Variants in CSMD1 observed in about 807,000 individuals in gnomAD.
The protein encoded by CSMD1 is CUB and Sushi multiple domains 1.
Under a neutral mutation model 417.5 loss-of-function variants are expected in CSMD1, and 213 were observed. That is an observed-to-expected ratio of 0.51 (90% confidence interval 0.46 to 0.57). CSMD1 has a LOEUF of 0.57. Ranked by LOEUF, CSMD1 falls within the 20% of genes least tolerant of loss-of-function variation. The probability of loss-of-function intolerance (pLI) is 0.00; values close to 1 mark genes in which losing one functional copy is unlikely to be tolerated. For synonymous variants in CSMD1, 2,862 were observed against 1,736.8 expected (o/e 1.65, Z -16.11); for missense variants, 6,923 against 4,529.7 (o/e 1.53, Z -15.17).
chr8:4,567,603 A>C (rs1798674183), intron 2 of CSMD1, among the ~76,000 whole-genome samples: 1 of 152,168 alleles, frequency 6.6e-6, no homozygotes, highest in Admixed American at 6.6e-5. Context: ...CCACAGAAAG[A>C]GTGCTCTGTG....
At chr8:4,014,043 G>C (rs961807327) in intron 4 of CSMD1, among the ~76,000 whole-genome samples, 6 of 152,126 alleles carry the variant, frequency 3.9e-5, no homozygotes, top group Admixed American at 3.3e-4. Context: ...ATATTGATGT[G>C]TATTGGAAAT....
chr8:3,388,450 T>TA (rs1032420324), intron 17 of CSMD1, among the ~76,000 whole-genome samples: 13 of 152,244 alleles, frequency 8.5e-5, no homozygotes, highest in South Asian at 2.1e-4. Context: ...TGCGAAGAAA[T>TA]AAAAAATCCT....
At chr8:3,670,548 C>A (rs62474692) in intron 7 of CSMD1, among the ~76,000 whole-genome samples, 1 of 111,576 alleles carries the variant, frequency 9.0e-6, no homozygotes, top group African/African-American at 3.1e-5. Context: ...ATACATATAT[C>A]CCATATATAT....
chr8:3,694,507 G>C (rs1352228692), intron 7 of CSMD1, among the ~76,000 whole-genome samples: 1 of 152,014 alleles, frequency 6.6e-6, no homozygotes, highest in East Asian at 2.0e-4. Flanking sequence ...TGTGCATAGA[G>C]ACAGTCTTTA....
chr8:3,177,818 G>T (rs1415279460), intron 37 of CSMD1, among the ~76,000 whole-genome samples: 1 of 152,074 alleles, frequency 6.6e-6, no homozygotes, highest in Non-Finnish European at 1.5e-5. Context: ...TTGAGGTCAG[G>T]CTTTGTAATT....
chr8:4,021,147 G>A (rs766924979), intron 4 of CSMD1, among the ~76,000 whole-genome samples: 39 of 152,210 alleles, frequency 2.6e-4, no homozygotes, highest in Admixed American at 1.1e-3. Context: ...AGTGTATGCA[G>A]CTCATGAGCA....
chr8:4,744,334 C>T (rs1010630655), intron 1 of CSMD1, among the ~76,000 whole-genome samples: 11 of 152,164 alleles, frequency 7.2e-5, no homozygotes, highest in Non-Finnish European at 1.5e-4. Flanking sequence ...GATGTGTGTG[C>T]TGTGCTAGCC....
At chr8:3,125,838 G>A (rs1330157204) in intron 41 of CSMD1, among the ~76,000 whole-genome samples, 3 of 152,118 alleles carry the variant, frequency 2.0e-5, no homozygotes, top group Admixed American at 1.3e-4. Flanking sequence ...TTAGCTGGGC[G>A]TGGTAGCAGA....
Position 4,249,522 on chromosome 8 carries a change from T to G in CSMD1, c.415+170431A>C, listed in dbSNP as rs556873397. On this transcript the variant is annotated intron_variant, in intron 3 of 69. Coordinates refer to ENST00000635120, the MANE Select transcript of CSMD1 (RefSeq NM_033225.6). ...GGAAGGATGTAGAGAGCTCCTCTAC[T>G]GACGTGCACTGTGACTCTCAGGGAG... is the stretch of plus-strand genomic sequence containing the variant. Among the ~76,000 whole-genome samples the G allele has an allele frequency of 8.5e-5, 13 of 152,352 alleles. No homozygotes were observed. The East Asian group carries it at 1.7e-3, about 20-fold the overall frequency.
chr8:4,042,709 T>C (rs1341197806), intron 3 of CSMD1, among the ~76,000 whole-genome samples: 1 of 150,058 alleles, frequency 6.7e-6, no homozygotes, highest in Non-Finnish European at 1.5e-5. Flanking sequence ...TTCTAACATA[T>C]GTAGAAGTGA....
At chr8:4,149,337 C>G (rs1273364185) in intron 3 of CSMD1, among the ~76,000 whole-genome samples, 1 of 152,108 alleles carries the variant, frequency 6.6e-6, no homozygotes, top group Non-Finnish European at 1.5e-5. Context: ...AAACATCACT[C>G]CAGTTTGCAT....
intron 10 of CSMD1, among the ~76,000 whole-genome samples, chr8:3,552,390 T>C (rs1229096029): frequency 1.3e-5 from 2 of 152,188 alleles, no homozygotes; most frequent in African/African-American, 2.4e-5. Flanking sequence ...TTGTAAGCAT[T>C]ACATGCTAAA....
Position 3,219,174 on chromosome 8 carries a change from A to T in CSMD1, c.4672+81T>A, listed in dbSNP as rs1434968320. 11 of 1,149,538 alleles carry T rather than the reference A, an allele frequency of 9.6e-6. No individual in the cohort carries two copies. In the East Asian group the frequency reaches 1.6e-4, roughly 16 times the overall value. 71.2% of individuals were successfully genotyped at this position (1,149,538 alleles called of 1,614,324 possible). A position where few individuals can be genotyped will look rare whatever the true frequency, so the allele number is the denominator to read the frequency against. On this transcript the variant is annotated intron_variant, in intron 29 of 69. Coordinates refer to ENST00000635120, the MANE Select transcript of CSMD1 (RefSeq NM_033225.6). ...GCATTTATGTATTAAACAGACAAGC[A>T]AGATGTTACAAAGCAATGCCTACAA...
intron 1 of CSMD1, among the ~76,000 whole-genome samples, chr8:4,822,805 T>C (rs977008518): frequency 6.6e-6 from 1 of 152,128 alleles, no homozygotes; most frequent in Non-Finnish European, 1.5e-5. Flanking sequence ...AAAATATTTC[T>C]TGGTTTGATG....
At chr8:3,399,312 A>C in intron 16 of CSMD1, 79 bp downstream of exon 16, 1 of 1,348,398 alleles carries the variant, frequency 7.4e-7, no homozygotes, top group South Asian at 1.6e-5. Context: ...CCATCTTTTT[A>C]AAGTTTAAGA....
At chr8:4,852,029 T>C (rs1419858013) in intron 1 of CSMD1, among the ~76,000 whole-genome samples, 1 of 152,224 alleles carries the variant, frequency 6.6e-6, no homozygotes, top group African/African-American at 2.4e-5. Flanking sequence ...GTCTAACCTG[T>C]AATACCTCCT....
chr8:4,471,392 G>T (rs1022958620), intron 2 of CSMD1, among the ~76,000 whole-genome samples: 1 of 152,048 alleles, frequency 6.6e-6, no homozygotes, highest in Non-Finnish European at 1.5e-5. Context: ...TTACTATTTT[G>T]ACAAGGTTCC....
intron 1 of CSMD1, among the ~76,000 whole-genome samples, chr8:4,928,636 G>A (rs1807037093): frequency 6.6e-6 from 1 of 152,086 alleles, no homozygotes; most frequent in Non-Finnish European, 1.5e-5. Context: ...TCATAGTAAG[G>A]GGCTGACAGG....
intron 26 of CSMD1, among the ~76,000 whole-genome samples, chr8:3,281,288 C>CAAAAAA (rs548393153): frequency 1.3e-3 from 192 of 151,900 alleles, no homozygotes; most frequent in African/African-American, 4.3e-3. Flanking sequence ...GCTAAAAATA[C>CAAAAAA]AAAAAAATAG....
Sources: gnomAD v4.1 joint callset for allele counts (sites outside exome capture counted in the v4.1 genomes callset) on GRCh38, gnomAD v4.1.1 for gene constraint, MANE v1.5 for transcripts, NCBI Gene and HGNC (gene_info 2026-07-23, HGNC 2026-07-21) for gene names.